NTN1: variants seen among roughly 807,000 people sequenced by gnomAD.
NTN1 encodes netrin 1, also known as netrin-1.
Under a neutral mutation model 54.2 loss-of-function variants are expected in NTN1, and 11 were observed. The ratio of observed to expected loss-of-function variants is 0.20; its 90% CI spans 0.13 to 0.34. NTN1 has a LOEUF of 0.34. Among genes scored for constraint, NTN1 ranks in the 10% least tolerant of loss-of-function variants. The pLI, the probability that NTN1 is intolerant of heterozygous loss-of-function variation, is 1.00. For synonymous variants in NTN1, 371 were observed against 382.0 expected (o/e 0.97, Z 0.33); for missense variants, 740 against 893.1 (o/e 0.83, Z 2.18).
chr17:9,063,553 G>GTT (rs61296086), intron 2 of NTN1, among the ~76,000 whole-genome samples: 7 of 145,230 alleles, frequency 4.8e-5, no homozygotes, highest in African/African-American at 1.0e-4. Context: ...GCAGAGCAAA[G>GTT]TTTTTTTTTT....
intron 2 of NTN1, among the ~76,000 whole-genome samples, chr17:9,033,869 A>G (rs2091895050): frequency 6.7e-6 from 1 of 150,330 alleles, no homozygotes; most frequent in East Asian, 2.0e-4. Flanking sequence ...GTGAGCAGAG[A>G]TCACACCATT....
chr17:9,228,342 T>A (rs1488068871), intron 6 of NTN1, among the ~76,000 whole-genome samples: 1 of 151,928 alleles, frequency 6.6e-6, no homozygotes, highest in East Asian at 1.9e-4. Context: ...GGGAGAAGAG[T>A]AAGAGCGGGG....
intron 2 of NTN1, among the ~76,000 whole-genome samples, chr17:9,076,837 C>T (rs187596723): frequency 3.3e-5 from 5 of 152,350 alleles, no homozygotes; most frequent in Admixed American, 3.3e-4. Flanking sequence ...TCCTGTGTGA[C>T]TTTATCAACC....
intron 6 of NTN1, among the ~76,000 whole-genome samples, chr17:9,223,236 G>C (rs1227805089): frequency 6.6e-6 from 1 of 152,214 alleles, no homozygotes; most frequent in Admixed American, 6.5e-5. Flanking sequence ...AGCCAGGAAA[G>C]TAGGGGCCCT....
chr17:9,095,482 G>A (rs1232312565), intron 2 of NTN1, among the ~76,000 whole-genome samples: 1 of 152,188 alleles, frequency 6.6e-6, no homozygotes, highest in Non-Finnish European at 1.5e-5. Flanking sequence ...TGTCCATGTG[G>A]ACCTTTCCCT....
Position 9,221,147 on chromosome 17 carries a change from T to TGGGGGG in NTN1, c.1412-21_1412-20insGGGGGG. 2.3e-6 allele frequency: 3 copies of TGGGGGG among 1,303,798 alleles called. No individual in the cohort carries two copies. Among genetic ancestry groups the TGGGGGG allele is most frequent in the Non-Finnish European group, 3.1e-6 (3 of 952,868 alleles). The allele number at this position is 1,303,798 out of a possible 1,614,324, so 80.8% of individuals were successfully genotyped here. The stretch of plus-strand genomic sequence containing the variant: ...CAGCCTAATTAGTTTTTGTCTGTGC[T>TGGGGGG]CCCCCCCCACCCCCCTGCAGACTGC... On this transcript the variant is annotated intron_variant, in intron 5 of 6. Transcript: ENST00000173229. This position sits in a 1 kb window ranked among gnomAD's most constrained non-coding sequence, Gnocchi z 4.5.
At chr17:9,089,043 G>T (rs1465600027) in intron 2 of NTN1, among the ~76,000 whole-genome samples, 1 of 152,146 alleles carries the variant, frequency 6.6e-6, no homozygotes, top group African/African-American at 2.4e-5. Flanking sequence ...CCCAGCTTAG[G>T]GTACAGAGTC....
intron 2 of NTN1, among the ~76,000 whole-genome samples, chr17:9,025,863 A>G (rs1271178057): frequency 6.6e-6 from 1 of 152,236 alleles, no homozygotes; most frequent in East Asian, 1.9e-4. Context: ...TGCTAGGAAA[A>G]AGCATTAATA....
chr17:9,022,506 A>G lies in NTN1; in HGVS notation c.133A>G (p.Asn45Asp). ...AAQPDPCSDENGHPRRCIPDF... is the reference protein window; with the variant it reads ...AAQPDPCSDEDGHPRRCIPDF... Reference sequence around the variant, plus strand: ...GCAGCCCGATCCCTGCTCGGACGAGAACGGCCACCCGCGCCGCTGCATCCC... The same window carrying G: ...GCAGCCCGATCCCTGCTCGGACGAGGACGGCCACCCGCGCCGCTGCATCCC... The change falls in exon 2 of 7, where the codon AAC becomes GAC. Residue 45 changes from asparagine (N) to aspartate (D), a missense_variant. Transcript: ENST00000173229. The G allele has an allele frequency of 6.5e-7, 1 of 1,545,350 alleles. No homozygotes were observed. Among genetic ancestry groups the G allele is most frequent in the Non-Finnish European group, 8.7e-7 (1 of 1,149,216 alleles).
chr17:9,205,694 A>G (rs1197675058), intron 5 of NTN1, among the ~76,000 whole-genome samples: 1 of 152,208 alleles, frequency 6.6e-6, no homozygotes, highest in African/African-American at 2.4e-5. Flanking sequence ...TCACTAGTCA[A>G]CAGGTTGCCA....
At chr17:9,099,329 C>T (rs1376693501) in intron 2 of NTN1, among the ~76,000 whole-genome samples, 6 of 152,120 alleles carry the variant, frequency 3.9e-5, no homozygotes, top group Non-Finnish European at 5.9e-5. Context: ...CACTTGAACC[C>T]GGGAGACGGA....
chr17:9,042,422 A>G lies in NTN1; in HGVS notation c.1018+19031A>G, dbSNP rs144551141. 9.9e-3 allele frequency among the ~76,000 whole-genome samples: 1,507 copies of G among 151,934 alleles called. 24 individuals are homozygous for G. The highest frequency in any genetic ancestry group is 0.032 in the African/African-American group (1,326 of 41,438). ...TTGCACGAGCGAGGGGTTTGAGGCT[A>G]TAATGCGCTATGACTGCACCTGTGA... On this transcript the variant is annotated intron_variant, in intron 2 of 6. Transcript: ENST00000173229.
intron 2 of NTN1, among the ~76,000 whole-genome samples, chr17:9,054,868 G>A (rs566010731): frequency 6.6e-5 from 10 of 152,276 alleles, no homozygotes; most frequent in South Asian, 4.1e-4. Flanking sequence ...CATTTCTGTC[G>A]CAACAAAGGG....
rs1906194590 is a variant in NTN1 at position 9,240,964 on chromosome 17, C to CT, written c.*996_*997insT. The CT allele has an allele frequency of 6.6e-6, 1 of 152,242 alleles. No individual in the cohort carries two copies. Among genetic ancestry groups the CT allele is most frequent in the Non-Finnish European group, 1.5e-5 (1 of 68,064 alleles). 9.4% of individuals were successfully genotyped at this position (152,242 alleles called of 1,614,324 possible). On this transcript the variant is annotated 3_prime_UTR_variant, in exon 7 of 7. Coordinates refer to ENST00000173229, the MANE Select transcript of NTN1 (RefSeq NM_004822.3). Reference sequence around the variant, plus strand: ...GGGGGAGGGGCACTGGCTGGGTTTACGGCAGTGACACTATTTATGTAAATG... The same window carrying CT: ...GGGGGAGGGGCACTGGCTGGGTTTACTGGCAGTGACACTATTTATGTAAATG...
intron 2 of NTN1, among the ~76,000 whole-genome samples, chr17:9,079,213 G>C (rs2092062026): frequency 6.6e-6 from 1 of 152,228 alleles, no homozygotes; most frequent in Non-Finnish European, 1.5e-5. Context: ...TGCCAAGGGA[G>C]TAGAACCCTG....
intron 5 of NTN1, 112 bp downstream of exon 5, chr17:9,183,081 G>A (rs2092423669): frequency 6.3e-6 from 7 of 1,114,464 alleles, no homozygotes; most frequent in Non-Finnish European, 5.5e-6. Context: ...ACCACTGTCC[G>A]GGCTCTGCTC....
chr17:9,064,626 C>T (rs186590765), intron 2 of NTN1, among the ~76,000 whole-genome samples: 7 of 152,308 alleles, frequency 4.6e-5, no homozygotes, highest in African/African-American at 1.2e-4. Flanking sequence ...ATTCACACAT[C>T]GTTCATAGTG....
At chr17:9,034,611 C>G (rs8068217) in intron 2 of NTN1, among the ~76,000 whole-genome samples, 5 of 151,140 alleles carry the variant, frequency 3.3e-5, no homozygotes, top group Non-Finnish European at 7.4e-5. Flanking sequence ...TTAGTGGAGA[C>G]GGGGTTTCAC....
intron 2 of NTN1, among the ~76,000 whole-genome samples, chr17:9,036,136 C>T (rs773539723): frequency 5.9e-5 from 9 of 152,232 alleles, no homozygotes; most frequent in Non-Finnish European, 8.8e-5. Flanking sequence ...GCTGGGATTA[C>T]AGGCGTGAGC....
Sources: gnomAD v4.1 joint callset for allele counts (sites outside exome capture counted in the v4.1 genomes callset) on GRCh38, gnomAD v4.1.1 for gene constraint, Gnocchi (gnomAD v3.1) non-coding constraint, MANE v1.5 for transcripts, NCBI Gene and HGNC (gene_info 2026-07-23, HGNC 2026-07-21) for gene names.